SIGLEC14: variants seen among roughly 807,000 people sequenced by gnomAD.
The protein encoded by SIGLEC14 is sialic acid binding Ig like lectin 14.
A neutral mutation model predicts 34.2 loss-of-function variants in SIGLEC14; 11 were observed. That is an observed-to-expected ratio of 0.32 (90% confidence interval 0.20 to 0.53). The LOEUF is 0.53. Among genes scored for constraint, SIGLEC14 ranks in the 20% least tolerant of loss-of-function variants. The pLI is 0.95. For synonymous variants in SIGLEC14, 99 were observed against 179.7 expected, an observed-to-expected ratio of 0.55 and a Z score of 3.59; for missense variants, 264 against 439.0, an observed-to-expected ratio of 0.60 and a Z score of 3.56.
chr19:51,641,143 G>C lies in SIGLEC14; in HGVS notation c.*2212C>G, dbSNP rs1983896313. The stretch of plus-strand genomic sequence containing the variant: ...CAGAGACTTCAACATTCCTCTCTCA[G>C]TAATAGACTGAGCTGGTAGACAAAA... On this transcript the variant is annotated 3_prime_UTR_variant, in exon 7 of 7. Transcript: ENST00000360844. Among the ~76,000 whole-genome samples the C allele has an allele frequency of 7.2e-6, 1 of 138,542 alleles. No individual in the cohort carries two copies. The highest frequency in any genetic ancestry group is 2.7e-5 in the African/African-American group (1 of 36,414). The allele number at this position is 138,542 out of a possible 152,430, so 90.9% of individuals were successfully genotyped here. A position where few individuals can be genotyped will look rare whatever the true frequency, so the allele number is the denominator to read the frequency against.
intron 6 of SIGLEC14, 54 bp downstream of exon 6, chr19:51,643,483 G>GGGGGGGGGGGGGGCCCCCCCCCCCC: frequency 3.9e-6 from 5 of 1,297,860 alleles, no homozygotes; most frequent in Non-Finnish European, 5.0e-6. Context: ...GGGCAGGACA[G>GGGGGGGGGGGGGGCCCCCCCCCCCC]CTCAGCCCCA....
At position 51,645,551 on chromosome 19, in the gene SIGLEC14, A is replaced by C. The variant is rs885266; in HGVS notation, c.701-21T>G. ...AGCATCTGGGATAGAAAGATACAGCACCAGCTTCAGAGGTGACAAGAGGGA... is the reference window on the plus strand; with the variant it reads ...AGCATCTGGGATAGAAAGATACAGCCCCAGCTTCAGAGGTGACAAGAGGGA... On this transcript the variant is annotated intron_variant, in intron 3 of 6. Coordinates refer to ENST00000360844, the MANE Select transcript of SIGLEC14 (RefSeq NM_001098612.3). The C allele has an allele frequency of 0.37, 568,136 of 1,526,066 alleles. 160,027 individuals are homozygous for C. The highest frequency in any genetic ancestry group is 0.45 in the South Asian group (37,207 of 83,058). 94.5% of individuals were successfully genotyped at this position (1,526,066 alleles called of 1,614,324 possible). A position where few individuals can be genotyped will look rare whatever the true frequency, so the allele number is the denominator to read the frequency against.
intron 4 of SIGLEC14, 35 bp from the exon 5 acceptor site, chr19:51,644,071 T>C (rs2122123716): frequency 6.9e-7 from 1 of 1,458,796 alleles, no homozygotes; most frequent in Non-Finnish European, 9.1e-7. Context: ...TGAGTGGAGC[T>C]GGGAGGCCCA....
Position 51,643,189 on chromosome 19 carries a change from A to C in SIGLEC14, c.*166T>G. Reference sequence around the variant, plus strand: ...GATGGGGATGCAGGTGTGGTGGGGCAAGACTCACAAGCAGAGGGGAATAAG... The same window carrying C: ...GATGGGGATGCAGGTGTGGTGGGGCCAGACTCACAAGCAGAGGGGAATAAG... On this transcript the variant is annotated 3_prime_UTR_variant, in exon 7 of 7. Transcript: ENST00000360844. 1 of 656,854 alleles carries C rather than the reference A, an allele frequency of 1.5e-6. No homozygotes were observed. 40.7% of individuals were successfully genotyped at this position (656,854 alleles called of 1,614,324 possible).
intron 4 of SIGLEC14, among the ~76,000 whole-genome samples, chr19:51,645,102 G>A (rs1984003343): frequency 7.2e-6 from 1 of 138,392 alleles, no homozygotes; most frequent in African/African-American, 2.8e-5. Flanking sequence ...GTGGAAAGTC[G>A]CTGTTCAGTG....
rs536728648 is a variant in SIGLEC14, at chr19:51,644,588, G to T, written c.755-552C>A. Among the ~76,000 whole-genome samples the T allele has an allele frequency of 1.2e-4, 17 of 137,578 alleles. 1 individual carries two copies. The South Asian group carries it at 4.3e-3, about 34-fold the overall frequency. The allele number at this position is 137,578 out of a possible 152,430, so 90.3% of individuals were successfully genotyped here. A position where few individuals can be genotyped will look rare whatever the true frequency, so the allele number is the denominator to read the frequency against. On this transcript the variant is annotated intron_variant, in intron 4 of 6. Transcript: ENST00000360844. ...GGAGGAGGCTGGGGCAATGGGCCAG[G>T]GTTGAGCACGAGACTTGAGCTGGGC...
At position 51,643,153 on chromosome 19, in the gene SIGLEC14, GA is replaced by G; in HGVS notation, c.*201del. ...GGAAGAGAAGGGCAGGTGGAGAGGG[GA>G]TGGGGTGCAGATGGGGATGCAGGTG... On this transcript the variant is annotated 3_prime_UTR_variant, in exon 7 of 7. Transcript: ENST00000360844. The G allele has an allele frequency of 1.9e-6, 1 of 528,018 alleles. No homozygotes were observed. Among genetic ancestry groups the G allele is most frequent in the Non-Finnish European group, 3.3e-6 (1 of 303,510 alleles). The allele number at this position is 528,018 out of a possible 1,614,324, so 32.7% of individuals were successfully genotyped here. A position where few individuals can be genotyped will look rare whatever the true frequency, so the allele number is the denominator to read the frequency against.
At chr19:51,643,483 G>GGGGGCCCCCCCCCCCC in intron 6 of SIGLEC14, 54 bp downstream of exon 6, 3 of 1,297,876 alleles carry the variant, frequency 2.3e-6, no homozygotes, top group Non-Finnish European at 3.0e-6. Context: ...GGGCAGGACA[G>GGGGGCCCCCCCCCCCC]CTCAGCCCCA....
chr19:51,644,031 G>T lies in SIGLEC14; in HGVS notation c.760C>A (p.Arg254=), dbSNP rs577477660. The change falls in exon 5 of 7, where the codon CGG becomes AGG. Residue 254 remains arginine, a synonymous_variant. Coordinates refer to ENST00000360844, the MANE Select transcript of SIGLEC14 (RefSeq NM_001098612.3). ...FFRNGTGTAL[R]ILSNGMSVPI... is the part of the protein sequence containing the mutation. ...ACCGACATGCCATTGCTCAGGATCC[G>T]CAGGGCTGGGAAAGAGAAGCACAGC... The T allele has an allele frequency of 3.3e-6, 5 of 1,506,176 alleles. No homozygotes were observed. In the African/African-American group the frequency reaches 7.5e-5, roughly 22 times the overall value. 93.3% of individuals were successfully genotyped at this position (1,506,176 alleles called of 1,614,324 possible). A position where few individuals can be genotyped will look rare whatever the true frequency, so the allele number is the denominator to read the frequency against.
chr19:51,640,929 C>T lies in SIGLEC14; in HGVS notation c.*2426G>A, dbSNP rs1202880053. ...GGCGGAGGTTGCAGTGAGCCAAGATCGCGCCATTGCACTCCAGCCTGGGCA... is the reference window on the plus strand; with the variant it reads ...GGCGGAGGTTGCAGTGAGCCAAGATTGCGCCATTGCACTCCAGCCTGGGCA... On this transcript the variant is annotated 3_prime_UTR_variant, in exon 7 of 7. Coordinates refer to ENST00000360844, the MANE Select transcript of SIGLEC14 (RefSeq NM_001098612.3). Among the ~76,000 whole-genome samples, 2 of 138,900 alleles carry T rather than the reference C, an allele frequency of 1.4e-5. No homozygotes were observed. The highest frequency in any genetic ancestry group is 2.7e-5 in the African/African-American group (1 of 36,540). 91.1% of individuals were successfully genotyped at this position (138,900 alleles called of 152,430 possible).
chr19:51,645,652 A>G, intron 3 of SIGLEC14, 122 bp from the exon 4 acceptor site: 1 of 1,450,850 alleles, frequency 6.9e-7, no homozygotes. Flanking sequence ...CTTCCTGCCC[A>G]CACACGAGTT....
intron 4 of SIGLEC14, among the ~76,000 whole-genome samples, chr19:51,645,004 T>G (rs1984000898): frequency 7.4e-6 from 1 of 135,846 alleles, no homozygotes; most frequent in African/African-American, 2.8e-5. Flanking sequence ...AGGCAGAAAT[T>G]CAAGAAAAGG....
chr19:51,643,136 AG>A lies in SIGLEC14; in HGVS notation c.*218del. On this transcript the variant is annotated 3_prime_UTR_variant, in exon 7 of 7. Transcript: ENST00000360844. ...AGATGGTGGATGGAGAGGGAAGAGA[AG>A]GGCAGGTGGAGAGGGGATGGGGTGC... 4.2e-6 allele frequency: 2 copies of A among 478,516 alleles called. No homozygotes were observed. The highest frequency in any genetic ancestry group is 1.7e-4 in the East Asian group (2 of 11,820). The allele number at this position is 478,516 out of a possible 1,614,324, so 29.6% of individuals were successfully genotyped here. A position where few individuals can be genotyped will look rare whatever the true frequency, so the allele number is the denominator to read the frequency against.
rs1984017932 is a variant in SIGLEC14, at chr19:51,645,658, G to A, written c.700+124C>T. 6 of 1,450,392 alleles carry A rather than the reference G, an allele frequency of 4.1e-6. 1 individual carries two copies. Among genetic ancestry groups the A allele is most frequent in the Non-Finnish European group, 5.6e-6 (6 of 1,078,678 alleles). 89.8% of individuals were successfully genotyped at this position (1,450,392 alleles called of 1,614,324 possible). On this transcript the variant is annotated intron_variant, in intron 3 of 6. Coordinates refer to ENST00000360844, the MANE Select transcript of SIGLEC14 (RefSeq NM_001098612.3). ...ACCGCTGTCCTTCCTGCCCACACAC[G>A]AGTTTTCCCTGGTTATCATTCTCTT...
At position 51,642,075 on chromosome 19, in the gene SIGLEC14, A is replaced by G. The variant is rs1983917502; in HGVS notation, c.*1280T>C. Among the ~76,000 whole-genome samples, 3 of 139,880 alleles carry G rather than the reference A, an allele frequency of 2.1e-5. 1 individual carries two copies. The highest frequency in any genetic ancestry group is 8.1e-5 in the African/African-American group (3 of 36,944). The allele number at this position is 139,880 out of a possible 152,430, so 91.8% of individuals were successfully genotyped here. On this transcript the variant is annotated 3_prime_UTR_variant, in exon 7 of 7. Transcript: ENST00000360844. The stretch of plus-strand genomic sequence containing the variant: ...AAATTAAACAACACACTTCTAAGCA[A>G]TCCGTGAATTCAAAGGAAATCTCAG...
At position 51,643,312 on chromosome 19, in the gene SIGLEC14, G is replaced by A; in HGVS notation, c.*43C>T. The A allele has an allele frequency of 6.7e-7, 1 of 1,491,082 alleles. No homozygotes were observed. The highest frequency in any genetic ancestry group is 9.0e-7 in the Non-Finnish European group (1 of 1,108,736). 92.4% of individuals were successfully genotyped at this position (1,491,082 alleles called of 1,614,324 possible). A position where few individuals can be genotyped will look rare whatever the true frequency, so the allele number is the denominator to read the frequency against. Reference sequence around the variant, plus strand: ...GTGATGTCCTGCATGTGTCCCACAGGGCTAAGTGTCCACACCTCAGTTCTG... The same window carrying A: ...GTGATGTCCTGCATGTGTCCCACAGAGCTAAGTGTCCACACCTCAGTTCTG... On this transcript the variant is annotated 3_prime_UTR_variant, in exon 7 of 7. Transcript: ENST00000360844.
In SIGLEC14 at chr19:51,646,157, A is replaced by G. The variant is rs553692328; in HGVS notation, c.422-97T>C. ...AGGCCTCAGGCCCCGACCTGCCCCA[A>G]GTCCTACACCTCCTCCAGCCGCCCC... On this transcript the variant is annotated intron_variant, in intron 2 of 6. Transcript: ENST00000360844. 2.5e-3 allele frequency: 2,065 copies of G among 839,162 alleles called. 250 individuals are homozygous for G. The African/African-American group carries it at 0.025, about 10-fold the overall frequency. 52.0% of individuals were successfully genotyped at this position (839,162 alleles called of 1,614,324 possible).
chr19:51,644,982 G>A (rs761950270), intron 4 of SIGLEC14, among the ~76,000 whole-genome samples: 2 of 137,230 alleles, frequency 1.5e-5, no homozygotes, highest in Non-Finnish European at 3.1e-5. Context: ...ATGCATCAGA[G>A]GACATCGGAG....
Position 51,639,934 on chromosome 19 carries a change from T to C in SIGLEC14, c.*3421A>G, listed in dbSNP as rs1381102100. 2.2e-5 allele frequency: 3 copies of C among 139,200 alleles called. No individual in the cohort carries two copies. Among genetic ancestry groups the C allele is most frequent in the East Asian group, 6.6e-4 (2 of 3,014 alleles). The allele number at this position is 139,200 out of a possible 1,614,324, so 8.6% of individuals were successfully genotyped here. A position where few individuals can be genotyped will look rare whatever the true frequency, so the allele number is the denominator to read the frequency against. On this transcript the variant is annotated 3_prime_UTR_variant, in exon 7 of 7. Transcript: ENST00000360844. Reference sequence around the variant, plus strand: ...AATTCATGAAAAAGAATGAAGAAATTATAAAAGCAGCAAGACATAAACAGA... The same window carrying C: ...AATTCATGAAAAAGAATGAAGAAATCATAAAAGCAGCAAGACATAAACAGA...
Sources: gnomAD v4.1 joint callset for allele counts (sites outside exome capture counted in the v4.1 genomes callset) on GRCh38, gnomAD v4.1.1 for gene constraint, MANE v1.5 for transcripts, NCBI Gene and HGNC (gene_info 2026-07-23, HGNC 2026-07-21) for gene names.